IDUA: variants seen among roughly 807,000 people sequenced by gnomAD.
The protein encoded by IDUA is iduronidase alpha-L-.
A neutral mutation model predicts 68.9 loss-of-function variants in IDUA; 65 were observed. The ratio of observed to expected loss-of-function variants is 0.94; its 90% confidence interval spans 0.77 to 1.16. IDUA has a LOEUF of 1.16. IDUA is among the 50% of genes most tolerant of loss of function. The pLI is 0.00. For missense variants in IDUA, 1,046 were observed against 938.0 expected, an observed-to-expected ratio of 1.12 and a Z score of -1.50; for synonymous variants, 529 against 433.6, an observed-to-expected ratio of 1.22 and a Z score of -2.73.
Position 1,002,003 on chromosome 4 carries a change from ATCC to A in IDUA, c.816_818del (p.Ile272_Leu273delinsMet). On this transcript the variant is annotated inframe_deletion, in exon 7 of 14. Transcript: ENST00000514224. The stretch of plus-strand genomic sequence containing the variant: ...GCAGGGTGCGCGCAGCTCCATCTCC[ATCC>A]TGGAGCAGGAGAAGGTCGTCGCGCA... 1 of 1,592,154 alleles carries A rather than the reference ATCC, an allele frequency of 6.3e-7. No homozygotes were observed. The highest frequency in any genetic ancestry group is 8.5e-7 in the Non-Finnish European group (1 of 1,171,224).
intron 10 of IDUA, 39 bp downstream of exon 10, chr4:1,003,196 C>G (rs1185043582): frequency 1.3e-5 from 5 of 370,468 alleles, no homozygotes; most frequent in Non-Finnish European, 1.8e-5. Flanking sequence ...CGGGCCGGGC[C>G]GGGGTCCCGG....
intron 2 of IDUA, chr4:988,185 G>A: frequency 1.5e-6 from 2 of 1,374,646 alleles, no homozygotes; most frequent in African/African-American, 1.5e-5. Context: ...AGGGTTGGCT[G>A]CGCCGCACCT....
rs779331976 is a variant in IDUA, at chr4:987,789, C to T, written c.159-20C>T. Reference sequence around the variant, plus strand: ...GCCATGCTGAGGCTCGGGACTGAGCCGCCCCTTTGTTGTCCCCAGCCCCCC... The same window carrying T: ...GCCATGCTGAGGCTCGGGACTGAGCTGCCCCTTTGTTGTCCCCAGCCCCCC... On this transcript the variant is annotated intron_variant, in intron 1 of 13. Coordinates refer to ENST00000514224, the MANE Select transcript of IDUA (RefSeq NM_000203.5). 4.3e-6 allele frequency: 7 copies of T among 1,611,772 alleles called. No individual in the cohort carries two copies. Among genetic ancestry groups the T allele is most frequent in the South Asian group, 3.3e-5 (3 of 90,988 alleles).
chr4:999,072 G>A (rs929744396), intron 2 of IDUA, among the ~76,000 whole-genome samples: 11 of 152,220 alleles, frequency 7.2e-5, no homozygotes, highest in African/African-American at 2.6e-4. Context: ...GGGCGTGGTG[G>A]CGGGCGCCTG....
rs752725918 is a variant in IDUA at position 1,002,812 on chromosome 4, G to A, written c.1270G>A (p.Ala424Thr). 6.2e-6 allele frequency: 9 copies of A among 1,458,262 alleles called. No homozygotes were observed. In the South Asian group the frequency reaches 1.1e-4, roughly 17 times the overall value. The allele number at this position is 1,458,262 out of a possible 1,614,324, so 90.3% of individuals were successfully genotyped here. The part of the protein sequence containing the change: ...SNHTVGVLAS[A>T]HRPQGPADAW... Reference sequence around the variant, plus strand: ...CCACACGGTGGGCGTCCTGGCCAGCGCCCACCGCCCCCAGGGCCCGGCCGA... The same window carrying A: ...CCACACGGTGGGCGTCCTGGCCAGCACCCACCGCCCCCAGGGCCCGGCCGA... The change falls in exon 9 of 14, where the codon GCC (alanine) becomes ACC (threonine). Residue 424 changes from alanine to threonine, a missense_variant. Ala to Thr is a moderately conservative substitution (Grantham distance 58). Coordinates refer to ENST00000514224, the MANE Select transcript of IDUA (RefSeq NM_000203.5).
rs754876472 is a variant in IDUA at position 989,308 on chromosome 4, C to T, written c.299+1359C>T. 28 of 1,611,794 alleles carry T rather than the reference C, an allele frequency of 1.7e-5. 2 individuals carry two copies. The South Asian group carries it at 2.5e-4, about 15-fold the overall frequency. On this transcript the variant is annotated intron_variant, in intron 2 of 13. Coordinates refer to ENST00000514224, the MANE Select transcript of IDUA (RefSeq NM_000203.5). ...GTCCTTGTTGGCATAGTACAGCGGC[C>T]CCCCAAAGCGGAACACCCGCACGCC...
In IDUA at chr4:1,002,084, G is replaced by A; in HGVS notation, c.895G>A (p.Glu299Lys). The A allele has an allele frequency of 6.3e-7, 1 of 1,582,320 alleles. No homozygotes were observed. Among genetic ancestry groups the A allele is most frequent in the Non-Finnish European group, 8.6e-7 (1 of 1,165,528 alleles). The change falls in exon 7 of 14, where the codon GAG becomes AAG. Residue 299 changes from glutamate to lysine, a missense_variant. Glu to Lys is a moderately conservative substitution (Grantham distance 56). Transcript: ENST00000514224. ...CGCGGACACCCCCATTTACAACGAC[G>A]AGGCGGACCCGCTGGTGGGCTGGTC... ...KFADTPIYND[E>K]ADPLVGWSLP...
chr4:987,851 C>T lies in IDUA; in HGVS notation c.201C>T (p.Ser67=). The part of the protein sequence containing the change: ...PHSQADQYVL[S]WDQQLNLAYV... ...GCCAGGCTGACCAGTACGTCCTCAG[C>T]TGGGACCAGCAGCTCAACCTCGCCT... Residue 67 remains serine (S), a synonymous_variant, in exon 2 of 14, where the codon AGC becomes AGT. Coordinates refer to ENST00000514224, the MANE Select transcript of IDUA (RefSeq NM_000203.5). The T allele has an allele frequency of 1.9e-6, 3 of 1,612,504 alleles. No individual in the cohort carries two copies. Among genetic ancestry groups the T allele is most frequent in the Non-Finnish European group, 2.5e-6 (3 of 1,179,868 alleles).
chr4:988,981 A>G lies in IDUA; in HGVS notation c.299+1032A>G, dbSNP rs199622307. 172 of 1,594,976 alleles carry G rather than the reference A, an allele frequency of 1.1e-4. No homozygotes were observed. Among genetic ancestry groups the G allele is most frequent in the South Asian group, 7.7e-4 (68 of 88,676 alleles). ...GCCTCCTCTGCTCAGAATGTCTCTC[A>G]CAGGCGGGCTGCAGCAGGCTAGCAG... On this transcript the variant is annotated intron_variant, in intron 2 of 13. Coordinates refer to ENST00000514224, the MANE Select transcript of IDUA (RefSeq NM_000203.5).
chr4:1,001,336 C>T (rs1446171412), intron 4 of IDUA, 132 bp from the exon 5 acceptor site: 14 of 831,344 alleles, frequency 1.7e-5, no homozygotes, highest in South Asian at 2.8e-5. Context: ...TGATGTGGGG[C>T]GGGAGGCTGG....
rs1332637036 is a variant in IDUA, at chr4:1,001,851, G to C, written c.762G>C (p.Val254=). 6.3e-7 allele frequency: 1 copy of C among 1,596,862 alleles called. No homozygotes were observed. Among genetic ancestry groups the C allele is most frequent in the Admixed American group, 1.7e-5 (1 of 57,394 alleles). Residue 254 remains valine, a synonymous_variant, in exon 6 of 14, where the codon GTG becomes GTC. Coordinates refer to ENST00000514224, the MANE Select transcript of IDUA (RefSeq NM_000203.5). ...GTNFFTGEAG[V]RLDYISLHRK... is the part of the protein sequence containing the mutation. ...ACTTCTTCACTGGGGAGGCGGGCGT[G>C]CGGCTGGACTACATCTCCCTCCACA...
chr4:1,003,475 G>C lies in IDUA; in HGVS notation c.1650+5G>C. ...CCCGAGAAGCCGCCCGGGCAGGCAA[G>C]TGGCAGTCCCCTAACCCGCGCCGCG... is the stretch of plus-strand genomic sequence containing the variant. On this transcript the variant is annotated splice_donor_5th_base_variant and intron_variant, in intron 11 of 13. Coordinates refer to ENST00000514224, the MANE Select transcript of IDUA (RefSeq NM_000203.5). 6.3e-7 allele frequency: 1 copy of C among 1,577,762 alleles called. No homozygotes were observed.
At chr4:988,786 G>A (rs759733492) in intron 2 of IDUA, 5 of 1,482,750 alleles carry the variant, frequency 3.4e-6, no homozygotes, top group Non-Finnish European at 4.5e-6. Context: ...GACGTCTGCT[G>A]TGGGTCCCCA....
Position 1,002,501 on chromosome 4 carries a change from T to G in IDUA, c.1189+16T>G. 6.6e-7 allele frequency: 1 copy of G among 1,510,252 alleles called. No individual in the cohort carries two copies. The highest frequency in any genetic ancestry group is 8.8e-7 in the Non-Finnish European group (1 of 1,130,978). The allele number at this position is 1,510,252 out of a possible 1,614,324, so 93.6% of individuals were successfully genotyped here. ...GCGCTGCTGGGTGAGCCGGGGCCGC[T>G]GGGGTGGGCCGGCCAGGGCCCTCCA... On this transcript the variant is annotated intron_variant, in intron 8 of 13. Coordinates refer to ENST00000514224, the MANE Select transcript of IDUA (RefSeq NM_000203.5).
At chr4:1,001,110 T>TG in intron 4 of IDUA, 121 bp downstream of exon 4, 9 of 723,418 alleles carry the variant, frequency 1.2e-5, no homozygotes, top group Non-Finnish European at 1.7e-5. Context: ...CGCAGGCCCT[T>TG]GTGGGGGGAT....
intron 2 of IDUA, chr4:992,364 C>T (rs1359683916): frequency 2.2e-5 from 8 of 366,726 alleles, no homozygotes; most frequent in East Asian, 1.5e-4. Context: ...CTGGGGCTGG[C>T]GGAAGTCTCA....
At chr4:990,550 C>T (rs1415990127) in intron 2 of IDUA, 16 of 612,018 alleles carry the variant, frequency 2.6e-5, no homozygotes, top group African/African-American at 9.2e-5. Flanking sequence ...TGCTCATGCC[C>T]GCAGACAACT....
At chr4:997,592 G>A (rs1439485611) in intron 2 of IDUA, among the ~76,000 whole-genome samples, 2 of 152,014 alleles carry the variant, frequency 1.3e-5, no homozygotes, top group Non-Finnish European at 2.9e-5. Flanking sequence ...CCCGCGCGGG[G>A]TCTACAAGGG....
chr4:993,633 G>A (rs931188834), intron 2 of IDUA, among the ~76,000 whole-genome samples: 1 of 152,216 alleles, frequency 6.6e-6, no homozygotes, highest in East Asian at 1.9e-4. Context: ...GGCCCTGCCG[G>A]GGGGGCTTAG....
Sources: allele counts gnomAD v4.1 joint callset (sites outside exome capture counted in the v4.1 genomes callset), GRCh38; gene constraint gnomAD v4.1.1; transcripts MANE v1.5; gene names NCBI Gene and HGNC (gene_info 2026-07-23, HGNC 2026-07-21).